The following GLS variants were observed in gnomAD, a reference collection of about 807,000 sequenced individuals.
GLS encodes glutaminase.
Under a neutral mutation model 86.7 loss-of-function variants are expected in GLS, and 36 were observed. The observed-to-expected ratio is 0.42, with a 90% CI of 0.32 to 0.55. GLS has a LOEUF of 0.55. Among genes scored for constraint, GLS ranks in the 20% least tolerant of loss-of-function variants. The probability of loss-of-function intolerance (pLI) is 0.17; values close to 1 mark genes in which losing one functional copy is unlikely to be tolerated. For synonymous variants in GLS, 317 were observed against 305.9 expected (o/e 1.04, Z -0.38); for missense variants, 528 against 833.4 (o/e 0.63, Z 4.51).
At chr2:190,952,218 C>T (rs1435457667) in intron 14 of GLS, among the ~76,000 whole-genome samples, 1 of 152,074 alleles carries the variant, frequency 6.6e-6, no homozygotes, top group Non-Finnish European at 1.5e-5. Flanking sequence ...CTGTTCTGGA[C>T]TCTGGGCAGG....
intron 6 of GLS, among the ~76,000 whole-genome samples, chr2:190,906,608 G>C (rs546594232): frequency 6.6e-5 from 10 of 152,290 alleles, no homozygotes; most frequent in South Asian, 2.1e-4. Context: ...TTCTAAGCCT[G>C]AGCCAACACC....
intron 7 of GLS, among the ~76,000 whole-genome samples, chr2:190,918,829 T>C (rs756956198): frequency 5.3e-5 from 8 of 152,136 alleles, no homozygotes; most frequent in African/African-American, 9.7e-5. Context: ...TCAATATTGT[T>C]GTGTCTCAGG....
intron 14 of GLS, among the ~76,000 whole-genome samples, chr2:190,942,814 G>GTT (rs1690477831): frequency 2.1e-5 from 3 of 145,178 alleles, no homozygotes; most frequent in African/African-American, 7.4e-5. Context: ...TAATATAACA[G>GTT]AAAGTCTCAG....
chr2:190,926,627 T>C (rs1251509237), intron 11 of GLS, among the ~76,000 whole-genome samples: 1 of 152,136 alleles, frequency 6.6e-6, no homozygotes, highest in African/African-American at 2.4e-5. Context: ...CTATTTTCAT[T>C]ATTTTGATTG....
At chr2:190,946,344 G>A (rs919278922) in intron 14 of GLS, among the ~76,000 whole-genome samples, 2 of 152,066 alleles carry the variant, frequency 1.3e-5, no homozygotes, top group Non-Finnish European at 2.9e-5. Context: ...TTGGAGTGAA[G>A]CCTTTAAAAC....
At chr2:190,910,126 A>C in intron 6 of GLS, 137 bp from the exon 7 acceptor site, 2 of 559,656 alleles carry the variant, frequency 3.6e-6, no homozygotes, top group Non-Finnish European at 6.4e-6. Context: ...CTTGTATATA[A>C]AGATAAAAAT....
rs761044284 is a variant in GLS, at chr2:190,938,244, T to C, written c.1650+6607T>C. On this transcript the variant is annotated intron_variant, in intron 14 of 17. Coordinates refer to ENST00000320717, the MANE Select transcript of GLS (RefSeq NM_014905.5). The surrounding 1 kb of genome is among the most constrained non-coding windows in gnomAD (Gnocchi z 4.1). ...TTTCAGGCCTTAAAACCACAGATAA[T>C]TAAAATTATCTATTTGGAAGGCTTA... Among the ~76,000 whole-genome samples the C allele has an allele frequency of 4.0e-5, 6 of 151,538 alleles. No homozygotes were observed. The highest frequency in any genetic ancestry group is 7.4e-5 in the Non-Finnish European group (5 of 67,514).
chr2:190,881,496 G>A lies in GLS; in HGVS notation c.386+26G>A, dbSNP rs538979300. The A allele has an allele frequency of 2.6e-5, 40 of 1,533,260 alleles. 1 individual carries two copies. In the South Asian group the frequency reaches 4.8e-4, roughly 18 times the overall value. 95.0% of individuals were successfully genotyped at this position (1,533,260 alleles called of 1,614,324 possible). A position where few individuals can be genotyped will look rare whatever the true frequency, so the allele number is the denominator to read the frequency against. ...GTGAGTGTCTCCGCGAGGCGCAGGA[G>A]GCCTCGTTCCTTTCGGGGCCCGGGC... On this transcript the variant is annotated intron_variant, in intron 1 of 17. Transcript: ENST00000320717.
rs1008216194 is a variant in GLS at position 190,914,690 on chromosome 2, G to A, written c.1038+4369G>A. Among the ~76,000 whole-genome samples, 8 of 151,280 alleles carry A rather than the reference G, an allele frequency of 5.3e-5. No individual in the cohort carries two copies. Among genetic ancestry groups the A allele is most frequent in the Non-Finnish European group, 1.0e-4 (7 of 67,874 alleles). ...CCTCTATGATCTCTAATTTTTAATT[G>A]GCTTGCACCTCCATACTTTATGAAT... On this transcript the variant is annotated intron_variant, in intron 7 of 17. Transcript: ENST00000320717. This position sits in a 1 kb window ranked among gnomAD's most constrained non-coding sequence, Gnocchi z 4.4.
intron 3 of GLS, among the ~76,000 whole-genome samples, chr2:190,898,561 C>G (rs1012440360): frequency 2.0e-5 from 3 of 152,218 alleles, no homozygotes; most frequent in Non-Finnish European, 2.9e-5. Context: ...GCTGTTGGAA[C>G]AGCTTTACCA....
At position 190,955,393 on chromosome 2, in the gene GLS, C is replaced by T. The variant is rs1486834449; in HGVS notation, c.1853+575C>T. On this transcript the variant is annotated intron_variant, in intron 17 of 17. Coordinates refer to ENST00000320717, the MANE Select transcript of GLS (RefSeq NM_014905.5). The surrounding 1 kb of genome is among the most constrained non-coding windows in gnomAD (Gnocchi z 5.6). ...AACATGAAGTGTTTGGTTTTCTGTT[C>T]TTGTGTTAGTTTGCTGAGAATGATG... 6.6e-6 allele frequency among the ~76,000 whole-genome samples: 1 copy of T among 152,162 alleles called. No individual in the cohort carries two copies. The highest frequency in any genetic ancestry group is 1.5e-5 in the Non-Finnish European group (1 of 68,036).
Position 190,905,563 on chromosome 2 carries a change from A to G in GLS, c.979+396A>G, listed in dbSNP as rs999497769. On this transcript the variant is annotated intron_variant, in intron 6 of 17. Transcript: ENST00000320717. The surrounding 1 kb of genome is among the most constrained non-coding windows in gnomAD (Gnocchi z 4.6). ...TATTATTCTATCTATTATATTGTATATAGTAGTTGAAAGTTTTATTGTGGC... is the reference window on the plus strand; with the variant it reads ...TATTATTCTATCTATTATATTGTATGTAGTAGTTGAAAGTTTTATTGTGGC... Among the ~76,000 whole-genome samples the G allele has an allele frequency of 6.6e-6, 1 of 152,112 alleles. No homozygotes were observed. Among genetic ancestry groups the G allele is most frequent in the Non-Finnish European group, 1.5e-5 (1 of 67,946 alleles).
intron 14 of GLS, among the ~76,000 whole-genome samples, chr2:190,936,890 C>T (rs1468728662): frequency 1.3e-5 from 2 of 151,184 alleles, no homozygotes; most frequent in African/African-American, 2.4e-5. Context: ...CCTACATGGC[C>T]TTGAAAATGC....
intron 14 of GLS, among the ~76,000 whole-genome samples, chr2:190,944,897 C>G (rs1283941115): frequency 6.6e-6 from 1 of 152,110 alleles, no homozygotes; most frequent in Non-Finnish European, 1.5e-5. Context: ...ATTTTCCCTT[C>G]ATTTAAAAAA....
intron 12 of GLS, chr2:190,927,717 AT>A: frequency 5.2e-6 from 2 of 385,272 alleles, no homozygotes; most frequent in Non-Finnish European, 9.4e-6. Flanking sequence ...TTTTAAGGCA[AT>A]CCAGTGTACA....
rs1244820556 is a variant in GLS at position 190,955,528 on chromosome 2, T to C, written c.1853+710T>C. 6.6e-6 allele frequency among the ~76,000 whole-genome samples: 1 copy of C among 152,216 alleles called. No individual in the cohort carries two copies. Among genetic ancestry groups the C allele is most frequent in the Non-Finnish European group, 1.5e-5 (1 of 68,034 alleles). On this transcript the variant is annotated intron_variant, in intron 17 of 17. Coordinates refer to ENST00000320717, the MANE Select transcript of GLS (RefSeq NM_014905.5). The surrounding 1 kb of genome is among the most constrained non-coding windows in gnomAD (Gnocchi z 5.6). ...CACATTTTCTTTATCCAGTCTATTA[T>C]CGATGGTCATTTGGGTTAGTTCCAA...
rs1380575153 is a variant in GLS, at chr2:190,965,185, C to G, written c.*2199C>G. 1 of 152,550 alleles carries G rather than the reference C, an allele frequency of 6.6e-6. No homozygotes were observed. The highest frequency in any genetic ancestry group is 2.1e-4 in the South Asian group (1 of 4,826). 9.4% of individuals were successfully genotyped at this position (152,550 alleles called of 1,614,324 possible). A position where few individuals can be genotyped will look rare whatever the true frequency, so the allele number is the denominator to read the frequency against. On this transcript the variant is annotated 3_prime_UTR_variant, in exon 18 of 18. Coordinates refer to ENST00000320717, the MANE Select transcript of GLS (RefSeq NM_014905.5). This position sits in a 1 kb window ranked among gnomAD's most constrained non-coding sequence, Gnocchi z 5.0. ...GTATCATATGTGCTTTTTCTGTATC[C>G]TGAGCGCTCTATATGATCATGTTAA...
chr2:190,894,621 T>C (rs1359363525), intron 1 of GLS, among the ~76,000 whole-genome samples: 1 of 152,200 alleles, frequency 6.6e-6, no homozygotes, highest in Non-Finnish European at 1.5e-5. Context: ...TACCCAAGGT[T>C]ACACAACTAT....
At chr2:190,908,241 AT>A (rs1689230837) in intron 6 of GLS, among the ~76,000 whole-genome samples, 1 of 152,204 alleles carries the variant, frequency 6.6e-6, no homozygotes, top group Admixed American at 6.5e-5. Flanking sequence ...AATACCGAAA[AT>A]ATAAATATCC....
Sources: gnomAD v4.1 joint callset for allele counts (sites outside exome capture counted in the v4.1 genomes callset) on GRCh38, gnomAD v4.1.1 for gene constraint, Gnocchi (gnomAD v3.1) non-coding constraint, MANE v1.5 for transcripts, NCBI Gene and HGNC (gene_info 2026-07-23, HGNC 2026-07-21) for gene names.